FAM181A: variants seen among roughly 807,000 people sequenced by gnomAD.
FAM181A encodes the protein family with sequence similarity 181 member A.
A neutral mutation model predicts 16.3 loss-of-function variants in FAM181A; 7 were observed. The ratio of observed to expected loss-of-function variants is 0.43; its 90% confidence interval spans 0.24 to 0.81. The LOEUF is 0.81. Among genes scored for constraint, FAM181A ranks in the 30% least tolerant of loss-of-function variants. The pLI is 0.24. For missense variants in FAM181A, 349 were observed against 377.5 expected (o/e 0.92, Z 0.63); for synonymous variants, 183 against 164.9 (o/e 1.11, Z -0.84).
upstream of FAM181A, chr14:93,927,061 C>CACA (rs11272094): frequency 1.0e-4 from 9 of 87,244 alleles, no homozygotes; most frequent in Non-Finnish European, 2.2e-4. Context: ...CACACACACA[C>CACA]CCCACCCCCT....
At chr14:93,923,337 C>T (rs1167324315), upstream of FAM181A, 1 of 152,298 alleles carries the variant, frequency 6.6e-6, no homozygotes, top group Non-Finnish European at 1.5e-5. Flanking sequence ...CCCACTGCCC[C>T]AGATGAGCTC....
In FAM181A at chr14:93,928,555, C is replaced by T. The variant is rs777470544; in HGVS notation, c.270C>T (p.Gly90=). The change falls in exon 2 of 2, where the codon GGC becomes GGT. Residue 90 remains glycine (G), a synonymous_variant. Coordinates refer to ENST00000556222, the MANE Select transcript of FAM181A (RefSeq NM_001207073.2). ...ATTTGGGCCCTGATTCCAGCCCCGG[C>T]GGGGGTGGGGGCTGCAAGGAGAAGG... ...LLDLGPDSSP[G]GGGGCKEKVL... 24 of 1,612,974 alleles carry T rather than the reference C, an allele frequency of 1.5e-5. No individual in the cohort carries two copies. The highest frequency in any genetic ancestry group is 4.5e-5 in the East Asian group (2 of 44,848).
chr14:93,927,676 G>A, intron 1 of FAM181A: 4 of 1,261,492 alleles, frequency 3.2e-6, no homozygotes, highest in Non-Finnish European at 4.1e-6. Context: ...TCCTGCGTGA[G>A]AGCTGGGGGT....
chr14:93,925,155 C>T (rs1887853973), upstream of FAM181A: 1 of 924,878 alleles, frequency 1.1e-6, no homozygotes, highest in African/African-American at 1.7e-5. Flanking sequence ...TTACTACTGG[C>T]TAAGAAAGGA....
chr14:93,929,053 C>T lies in FAM181A; in HGVS notation c.768C>T (p.Cys256=). 6.3e-7 allele frequency: 1 copy of T among 1,597,690 alleles called. No homozygotes were observed. The highest frequency in any genetic ancestry group is 8.5e-7 in the Non-Finnish European group (1 of 1,171,082). The change falls in exon 2 of 2, where the codon TGC becomes TGT. Residue 256 remains cysteine (C), a synonymous_variant. Transcript: ENST00000556222. ...PAFPGELAHL[C]KDVDGLGQKV... is the part of the protein sequence containing the mutation. ...TTCCCGGGGAGCTGGCGCACCTCTG[C>T]AAGGATGTGGACGGCCTGGGGCAGA... is the stretch of plus-strand genomic sequence containing the variant.
At chr14:93,927,975 G>A (rs1403100131) in intron 1 of FAM181A, among the ~76,000 whole-genome samples, 3 of 152,208 alleles carry the variant, frequency 2.0e-5, no homozygotes, top group South Asian at 4.1e-4. Context: ...GCAAGAAGGG[G>A]CACCAGACCC....
upstream of FAM181A, among the ~76,000 whole-genome samples, chr14:93,925,672 C>T (rs945793567): frequency 2.6e-5 from 4 of 151,642 alleles, no homozygotes; most frequent in Admixed American, 6.6e-5. Flanking sequence ...CTCCAGGGCA[C>T]GTAGTGGCCA....
intron 1 of FAM181A, 128 bp from the exon 2 acceptor site, chr14:93,928,071 C>T (rs1360279764): frequency 4.9e-6 from 7 of 1,438,270 alleles, no homozygotes; most frequent in Middle Eastern, 2.6e-4. Context: ...CATCCCTCTA[C>T]CCAGGACTCT....
upstream of FAM181A, chr14:93,925,173 C>A: frequency 9.2e-7 from 1 of 1,092,068 alleles, no homozygotes; most frequent in Non-Finnish European, 1.4e-6. Flanking sequence ...GGAGAGACAG[C>A]TTCATGAGCG....
chr14:93,922,171 GA>G (rs1887750034), intron 1 of FAM181A: 2 of 152,336 alleles, frequency 1.3e-5, no homozygotes, highest in South Asian at 4.1e-4. Flanking sequence ...ATTTTCTGTA[GA>G]GGTGTGAAAA....
At position 93,919,632 on chromosome 14, in the gene FAM181A, A is replaced by ACACC. The variant is rs1397446229; in HGVS notation, c.-225+638_-225+639insCACC. ...CCTGTACATAGTAGGTGTCCACTAAATGCTTTAGAACCACTTGGTGAGCAT... is the reference window on the plus strand; with the variant it reads ...CCTGTACATAGTAGGTGTCCACTAAACACCTGCTTTAGAACCACTTGGTGAGCAT... On this transcript the variant is annotated intron_variant, in intron 1 of 2. Transcript: ENST00000267594. Among the ~76,000 whole-genome samples, 5 of 152,318 alleles carry ACACC rather than the reference A, an allele frequency of 3.3e-5. No homozygotes were observed. The East Asian group carries it at 9.6e-4, about 29-fold the overall frequency.
intron 1 of FAM181A, 131 bp from the exon 2 acceptor site, chr14:93,928,068 C>A: frequency 7.1e-7 from 1 of 1,415,446 alleles, no homozygotes; most frequent in Non-Finnish European, 9.5e-7. Flanking sequence ...CCACATCCCT[C>A]TACCCAGGAC....
chr14:93,921,433 C>G (rs1271493637), intron 1 of FAM181A, among the ~76,000 whole-genome samples: 4 of 152,224 alleles, frequency 2.6e-5, no homozygotes, highest in Non-Finnish European at 5.9e-5. Flanking sequence ...GGCAACTTCA[C>G]CAGCACAGGA....
chr14:93,927,234 G>C, upstream of FAM181A: 1 of 978,972 alleles, frequency 1.0e-6, no homozygotes, highest in South Asian at 4.3e-5. Flanking sequence ...TGTGGGAACG[G>C]GGCGCCGCCG....
chr14:93,923,816 G>A (rs1485746705), upstream of FAM181A: 1 of 152,242 alleles, frequency 6.6e-6, no homozygotes, highest in Non-Finnish European at 1.5e-5. Context: ...GATGCAGTCG[G>A]AAAGAAGCGC....
intron 1 of FAM181A, chr14:93,919,027 G>C (rs924338293): frequency 6.6e-6 from 1 of 152,324 alleles, no homozygotes; most frequent in Non-Finnish European, 1.5e-5. Flanking sequence ...GGAGCGTGCA[G>C]AGCAGGGGCG....
upstream of FAM181A, among the ~76,000 whole-genome samples, chr14:93,926,736 G>T (rs768698813): frequency 3.3e-5 from 5 of 150,636 alleles, no homozygotes; most frequent in Admixed American, 2.6e-4. The surrounding 1 kb of genome is among the most constrained non-coding windows in gnomAD (Gnocchi z 5.2). Flanking sequence ...AGGCATCAGC[G>T]CACCTCCTGA....
intron 1 of FAM181A, among the ~76,000 whole-genome samples, chr14:93,921,704 AC>A (rs1313693044): frequency 6.6e-6 from 1 of 151,268 alleles, no homozygotes; most frequent in Admixed American, 6.6e-5. Flanking sequence ...GTCGGGCCTA[AC>A]TCTCCAGGGC....
At chr14:93,927,308 CG>C (rs34780596), upstream of FAM181A, 3 of 1,051,156 alleles carry the variant, frequency 2.9e-6, no homozygotes, top group African/African-American at 5.2e-5. Flanking sequence ...CCCCCAGCTC[CG>C]GGGAGTTGTC....
Sources: gnomAD v4.1 joint callset for allele counts (sites outside exome capture counted in the v4.1 genomes callset) on GRCh38, gnomAD v4.1.1 for gene constraint, Gnocchi (gnomAD v3.1) non-coding constraint, MANE v1.5 for transcripts, NCBI Gene and HGNC (gene_info 2026-07-23, HGNC 2026-07-21) for gene names.